The following NAALADL2 variants were observed in gnomAD, a reference collection of about 807,000 sequenced individuals.
NAALADL2 encodes the protein inactive N-acetylated-alpha-linked acidic dipeptidase-like protein 2.
In NAALADL2, 76 loss-of-function variants were observed where a neutral mutation model predicts 87.2. The ratio of observed to expected loss-of-function variants is 0.87; its 90% CI spans 0.72 to 1.05. The LOEUF is 1.05. Ranked by LOEUF, NAALADL2 falls within the 50% of genes least tolerant of loss-of-function variation. The pLI, the probability that NAALADL2 is intolerant of heterozygous loss-of-function variation, is 0.00. For missense variants in NAALADL2, 1,089 were observed against 945.8 expected (o/e 1.15, Z -1.99); for synonymous variants, 354 against 331.0 (o/e 1.07, Z -0.75).
intron 1 of NAALADL2, among the ~76,000 whole-genome samples, chr3:174,917,303 A>G (rs572424556): frequency 9.2e-5 from 14 of 152,260 alleles, no homozygotes; most frequent in African/African-American, 3.1e-4. Context: ...CAATTCAAAG[A>G]CAGCACATTT....
At chr3:175,770,999 T>C (rs144639517) in intron 13 of NAALADL2, among the ~76,000 whole-genome samples, 3 of 152,276 alleles carry the variant, frequency 2.0e-5, no homozygotes, top group East Asian at 3.9e-4. Context: ...TTTCCTGAAA[T>C]AGAATATCAC....
chr3:175,209,564 T>C (rs973079177), intron 2 of NAALADL2, among the ~76,000 whole-genome samples: 14 of 152,036 alleles, frequency 9.2e-5, no homozygotes, highest in African/African-American at 2.7e-4. Flanking sequence ...ATGTTAATCA[T>C]AGGAAAATTA....
chr3:175,313,872 G>A (rs889520919), intron 4 of NAALADL2, among the ~76,000 whole-genome samples: 1 of 151,920 alleles, frequency 6.6e-6, no homozygotes, highest in Non-Finnish European at 1.5e-5. Context: ...AGACCATCTT[G>A]GCCAACATGG....
intron 1 of NAALADL2, among the ~76,000 whole-genome samples, chr3:174,982,403 T>G (rs1162797324): frequency 2.0e-5 from 3 of 152,194 alleles, no homozygotes; most frequent in Non-Finnish European, 4.4e-5. Context: ...ATGTAGACTT[T>G]AGAGAGAGGC....
chr3:174,449,282 C>T (rs1030180868), intron 1 of NAALADL2, among the ~76,000 whole-genome samples: 6 of 152,026 alleles, frequency 3.9e-5, no homozygotes, highest in Admixed American at 3.3e-4. Context: ...TCCTAAGTAC[C>T]CACACAGCCT....
At chr3:174,972,773 G>C (rs1208617265) in intron 1 of NAALADL2, among the ~76,000 whole-genome samples, 1 of 151,924 alleles carries the variant, frequency 6.6e-6, no homozygotes, top group Non-Finnish European at 1.5e-5. Context: ...AGGTGGGCGG[G>C]TCACCTGAGG....
chr3:175,229,745 T>A (rs1212922458), intron 2 of NAALADL2, among the ~76,000 whole-genome samples: 1 of 151,990 alleles, frequency 6.6e-6, no homozygotes, highest in Non-Finnish European at 1.5e-5. Flanking sequence ...ATATTAAGGA[T>A]TTATTGATAT....
At chr3:175,097,362 C>G (rs767567291) in intron 2 of NAALADL2, 71 bp downstream of exon 2, 175 of 1,382,662 alleles carry the variant, frequency 1.3e-4, no homozygotes, top group Non-Finnish European at 1.0e-4. Flanking sequence ...GGGTATTGAA[C>G]TGATGATTTT....
chr3:175,542,299 A>G (rs1232424406), intron 9 of NAALADL2, among the ~76,000 whole-genome samples: 2 of 152,230 alleles, frequency 1.3e-5, no homozygotes, highest in African/African-American at 4.8e-5. Flanking sequence ...TGAGCACATA[A>G]TGAAAATGAG....
chr3:174,593,052 A>T (rs1449801011), intron 2 of NAALADL2, among the ~76,000 whole-genome samples: 1 of 152,128 alleles, frequency 6.6e-6, no homozygotes, highest in Non-Finnish European at 1.5e-5. Flanking sequence ...GAGCATGGAG[A>T]CTATTCAGAC....
At position 174,899,331 on chromosome 3, in the gene NAALADL2, C is replaced by A. The variant is rs2109849451; in HGVS notation, c.43+39881C>A. ...ATATGATACAGTTTAAGTATTTGGC[C>A]CCACCCAAATCTCATGTTGAAACAT... On this transcript the variant is annotated intron_variant, in intron 1 of 13. Transcript: ENST00000454872. 2.6e-5 allele frequency among the ~76,000 whole-genome samples: 4 copies of A among 151,830 alleles called. No individual in the cohort carries two copies. The South Asian group carries it at 8.4e-4, about 32-fold the overall frequency.
chr3:175,737,541 C>T, intron 12 of NAALADL2, 142 bp downstream of exon 12: 2 of 580,762 alleles, frequency 3.4e-6, no homozygotes, highest in South Asian at 4.5e-5. Flanking sequence ...TGGGAAGGAC[C>T]TGGAAGAATT....
intron 4 of NAALADL2, among the ~76,000 whole-genome samples, chr3:175,323,316 T>C (rs9823092): frequency 0.25 from 29,797 of 117,946 alleles, 4,360 homozygotes; most frequent in East Asian, 0.46. Context: ...GGAAGGGGAA[T>C]ATCACACTCT....
chr3:175,408,711 TATC>T (rs375452788), intron 5 of NAALADL2, among the ~76,000 whole-genome samples: 246 of 152,170 alleles, frequency 1.6e-3, no homozygotes, highest in African/African-American at 5.5e-3. Context: ...ATAAACATGT[TATC>T]ATCTCTTTAA....
chr3:175,047,523 A>G (rs559169067), intron 1 of NAALADL2, among the ~76,000 whole-genome samples: 87 of 152,302 alleles, frequency 5.7e-4, no homozygotes, highest in African/African-American at 2.0e-3. Flanking sequence ...CAATAATACT[A>G]TGTATTTTAA....
chr3:175,719,597 T>A (rs1284412396), intron 11 of NAALADL2, among the ~76,000 whole-genome samples: 2 of 152,184 alleles, frequency 1.3e-5, no homozygotes, highest in Admixed American at 6.6e-5. Flanking sequence ...ATGATTTTTT[T>A]AAAACATAGA....
At chr3:175,283,324 A>G (rs1216255383) in intron 4 of NAALADL2, among the ~76,000 whole-genome samples, 1 of 152,080 alleles carries the variant, frequency 6.6e-6, no homozygotes, top group Non-Finnish European at 1.5e-5. Context: ...TGCATTTTCT[A>G]CCTTCAGGAT....
chr3:174,483,503 G>A (rs1370417088), intron 1 of NAALADL2, among the ~76,000 whole-genome samples: 3 of 152,004 alleles, frequency 2.0e-5, no homozygotes, highest in African/African-American at 4.8e-5. Context: ...GGGGATTATG[G>A]GGATTATGAG....
At chr3:174,794,727 T>C (rs930462368) in intron 3 of NAALADL2, among the ~76,000 whole-genome samples, 2 of 152,142 alleles carry the variant, frequency 1.3e-5, no homozygotes, top group East Asian at 1.9e-4. Context: ...AGGAATGTAA[T>C]GTATATTGAG....
Sources: allele counts gnomAD v4.1 joint callset (sites outside exome capture counted in the v4.1 genomes callset), GRCh38; gene constraint gnomAD v4.1.1; transcripts MANE v1.5; gene names NCBI Gene and HGNC (gene_info 2026-07-23, HGNC 2026-07-21).